The following SYT2 variants were observed in gnomAD, a reference collection of about 807,000 sequenced individuals.
SYT2 encodes the protein synaptotagmin-2.
SYT2 carries 15 observed loss-of-function variants against 39.9 expected under a neutral mutation model. The observed-to-expected ratio is 0.38, with a 90% CI of 0.25 to 0.58. The LOEUF (loss-of-function observed/expected upper bound fraction) is 0.58. Among genes scored for constraint, SYT2 ranks in the 20% least tolerant of loss-of-function variants. The pLI, the probability that SYT2 is intolerant of heterozygous loss-of-function variation, is 0.70. For missense variants in SYT2, 389 were observed against 530.3 expected (o/e 0.73, Z 2.62); for synonymous variants, 181 against 204.5 (o/e 0.89, Z 0.98).
At chr1:202,659,483 A>G (rs1462628793) in intron 1 of SYT2, among the ~76,000 whole-genome samples, 5 of 152,124 alleles carry the variant, frequency 3.3e-5, no homozygotes, top group Non-Finnish European at 7.4e-5. Context: ...GAGCGGCAAA[A>G]AGAGATAGCT....
rs377450425 is a variant in SYT2 at position 202,667,124 on chromosome 1, T to C, written c.-18+43134A>G. Among the ~76,000 whole-genome samples, 6 of 152,120 alleles carry C rather than the reference T, an allele frequency of 3.9e-5. No individual in the cohort carries two copies. The East Asian group carries it at 5.8e-4, about 15-fold the overall frequency. Reference sequence around the variant, plus strand: ...AGTAATTTAACAGTTGATAGAGAACTGAGAAGTAAGGCGGGGAAAAGACTC... The same window carrying C: ...AGTAATTTAACAGTTGATAGAGAACCGAGAAGTAAGGCGGGGAAAAGACTC... On this transcript the variant is annotated intron_variant, in intron 1 of 8. Transcript: ENST00000367268.
At chr1:202,675,162 G>A (rs1653332073) in intron 1 of SYT2, among the ~76,000 whole-genome samples, 1 of 152,092 alleles carries the variant, frequency 6.6e-6, no homozygotes, top group African/African-American at 2.4e-5. Context: ...TGTGCACTAG[G>A]ATGTCTACTA....
chr1:202,694,770 C>T, intron 1 of SYT2, among the ~76,000 whole-genome samples: 1 of 151,686 alleles, frequency 6.6e-6, no homozygotes, highest in South Asian at 2.1e-4. Flanking sequence ...TTATTCCTCC[C>T]TCTACCCCTC....
intron 1 of SYT2, among the ~76,000 whole-genome samples, chr1:202,646,216 C>G (rs1244905684): frequency 6.6e-6 from 1 of 152,218 alleles, no homozygotes; most frequent in Admixed American, 6.5e-5. Flanking sequence ...AGCCCTTACC[C>G]ACCTTCCAGC....
intron 1 of SYT2, among the ~76,000 whole-genome samples, chr1:202,638,538 CTGGGGAGGT>C (rs760028724): frequency 5.9e-5 from 9 of 152,216 alleles, no homozygotes; most frequent in Non-Finnish European, 1.0e-4. Context: ...GAGCTGGAAG[CTGGGGAGGT>C]GTCAGCTCCA....
At chr1:202,700,616 A>AT (rs1172680326) in intron 1 of SYT2, among the ~76,000 whole-genome samples, 1 of 152,228 alleles carries the variant, frequency 6.6e-6, no homozygotes, top group Non-Finnish European at 1.5e-5. Flanking sequence ...AGACCAAAAA[A>AT]ATATATAGTA....
intron 1 of SYT2, among the ~76,000 whole-genome samples, chr1:202,672,772 A>G (rs1252534310): frequency 3.8e-5 from 2 of 52,332 alleles, no homozygotes; most frequent in African/African-American, 1.6e-4. Flanking sequence ...TGAGAGAGGG[A>G]GGGAGGGAGA....
chr1:202,603,019 A>G lies in SYT2; in HGVS notation c.445T>C (p.Tyr149His). ...NLGKLQFSLD[Y>H]DFQANQLTVG... Reference sequence around the variant, plus strand: ...CATACCTGATTAGCCTGAAAATCATAGTCCAGGGAAAACTGCAGTTTGCCC... The same window carrying G: ...CATACCTGATTAGCCTGAAAATCATGGTCCAGGGAAAACTGCAGTTTGCCC... Residue 149 changes from tyrosine (Y) to histidine (H), a missense_variant, in exon 4 of 9, where the codon TAT becomes CAT. By Grantham distance (83) the Tyr-to-His change is moderately conservative. Transcript: ENST00000367268. 6.2e-7 allele frequency: 1 copy of G among 1,609,702 alleles called. No individual in the cohort carries two copies. Among genetic ancestry groups the G allele is most frequent in the Non-Finnish European group, 8.5e-7 (1 of 1,177,772 alleles).
chr1:202,606,220 G>A (rs1690703392), intron 1 of SYT2, among the ~76,000 whole-genome samples: 1 of 152,156 alleles, frequency 6.6e-6, no homozygotes, highest in Non-Finnish European at 1.5e-5. Flanking sequence ...AACAGATGGG[G>A]AAACAGGTTC....
chr1:202,628,527 C>T lies in SYT2; in HGVS notation c.-17-22738G>A, dbSNP rs570520182. Among the ~76,000 whole-genome samples the T allele has an allele frequency of 6.6e-6, 1 of 152,344 alleles. No individual in the cohort carries two copies. Among genetic ancestry groups the T allele is most frequent in the African/African-American group, 2.4e-5 (1 of 41,568 alleles). Reference sequence around the variant, plus strand: ...ACAGAGATGCCCATTATCACCAACACCTATGACAGCTCATGGTCTCCAGAA... The same window carrying T: ...ACAGAGATGCCCATTATCACCAACATCTATGACAGCTCATGGTCTCCAGAA... On this transcript the variant is annotated intron_variant, in intron 1 of 8. Transcript: ENST00000367268. This position sits in a 1 kb window ranked among gnomAD's most constrained non-coding sequence, Gnocchi z 4.2.
At chr1:202,631,644 G>A (rs747713386) in intron 1 of SYT2, among the ~76,000 whole-genome samples, 1 of 152,166 alleles carries the variant, frequency 6.6e-6, no homozygotes, top group Non-Finnish European at 1.5e-5. Flanking sequence ...CCAGAAGATG[G>A]ATGAACCCAC....
chr1:202,617,986 T>C (rs1691093299), intron 1 of SYT2, among the ~76,000 whole-genome samples: 1 of 152,168 alleles, frequency 6.6e-6, no homozygotes, highest in Non-Finnish European at 1.5e-5. Flanking sequence ...CACTGCAACC[T>C]CTGCCTCCCA....
chr1:202,679,928 G>A (rs1000002090), intron 1 of SYT2, among the ~76,000 whole-genome samples: 7 of 152,178 alleles, frequency 4.6e-5, no homozygotes, highest in East Asian at 3.9e-4. Flanking sequence ...TTTCTCTGCC[G>A]AGAATGCCCC....
intron 1 of SYT2, among the ~76,000 whole-genome samples, chr1:202,660,243 G>A (rs948641058): frequency 5.3e-5 from 8 of 152,140 alleles, no homozygotes; most frequent in South Asian, 2.1e-4. Flanking sequence ...GCTGGACTTC[G>A]GTCCTGACTA....
chr1:202,710,361 G>C lies in SYT2; in HGVS notation c.-121C>G, dbSNP rs1251698954. 4 of 152,380 alleles carry C rather than the reference G, an allele frequency of 2.6e-5. No homozygotes were observed. Among genetic ancestry groups the C allele is most frequent in the Non-Finnish European group, 5.9e-5 (4 of 68,152 alleles). 9.4% of individuals were successfully genotyped at this position (152,380 alleles called of 1,614,324 possible). A position where few individuals can be genotyped will look rare whatever the true frequency, so the allele number is the denominator to read the frequency against. Reference sequence around the variant, plus strand: ...TGGCGACGGTTTCGCAGGGGCGCCCGTTCCCCTGGGGGCGCGAAGTCCCCG... The same window carrying C: ...TGGCGACGGTTTCGCAGGGGCGCCCCTTCCCCTGGGGGCGCGAAGTCCCCG... On this transcript the variant is annotated 5_prime_UTR_variant, in exon 1 of 9. Coordinates refer to ENST00000367268, the MANE Select transcript of SYT2 (RefSeq NM_177402.5).
At chr1:202,643,831 A>C (rs1307959575) in intron 1 of SYT2, among the ~76,000 whole-genome samples, 2 of 151,966 alleles carry the variant, frequency 1.3e-5, no homozygotes, top group Non-Finnish European at 2.9e-5. Flanking sequence ...GATTCTGCCG[A>C]GGAGTCCCCG....
chr1:202,612,988 G>A (rs990483644), intron 1 of SYT2, among the ~76,000 whole-genome samples: 1 of 149,364 alleles, frequency 6.7e-6, no homozygotes, highest in Admixed American at 6.7e-5. Context: ...CAGATTGTTC[G>A]TTGCTAGTGT....
At chr1:202,609,693 G>A (rs190706653) in intron 1 of SYT2, among the ~76,000 whole-genome samples, 16 of 152,302 alleles carry the variant, frequency 1.1e-4, no homozygotes, top group South Asian at 2.1e-4. Flanking sequence ...GTCTTCTTTC[G>A]AGAAGTGTCT....
intron 1 of SYT2, among the ~76,000 whole-genome samples, chr1:202,692,002 G>A: frequency 6.6e-6 from 1 of 152,080 alleles, no homozygotes; most frequent in South Asian, 2.1e-4. Flanking sequence ...TCATAGCTCT[G>A]GAGAGCTGCC....
Sources: gnomAD v4.1 joint callset for allele counts (sites outside exome capture counted in the v4.1 genomes callset) on GRCh38, gnomAD v4.1.1 for gene constraint, Gnocchi (gnomAD v3.1) non-coding constraint, MANE v1.5 for transcripts, NCBI Gene and HGNC (gene_info 2026-07-23, HGNC 2026-07-21) for gene names.